The following SLX4IP variants were observed in gnomAD, a reference collection of about 807,000 sequenced individuals.
SLX4IP encodes protein SLX4IP.
SLX4IP carries 34 observed loss-of-function variants against 32.9 expected under a neutral mutation model. The ratio of observed to expected loss-of-function variants is 1.03; its 90% CI spans 0.79 to 1.38. The LOEUF is 1.38. Among genes scored for constraint, SLX4IP ranks in the 40% most tolerant of loss-of-function variants. The pLI, the probability that SLX4IP is intolerant of heterozygous loss-of-function variation, is 0.00. For synonymous variants in SLX4IP, 172 were observed against 171.7 expected (o/e 1.00, Z -0.01); for missense variants, 444 against 479.0 (o/e 0.93, Z 0.68).
At chr20:10,467,656 C>A (rs2065391559) in intron 2 of SLX4IP, among the ~76,000 whole-genome samples, 1 of 152,156 alleles carries the variant, frequency 6.6e-6, no homozygotes, top group Non-Finnish European at 1.5e-5. Context: ...TATTGCTTTG[C>A]TCATGCTGGA....
At chr20:10,464,101 TAA>T (rs1328594075) in intron 2 of SLX4IP, among the ~76,000 whole-genome samples, 2 of 152,154 alleles carry the variant, frequency 1.3e-5, no homozygotes, top group Non-Finnish European at 2.9e-5. Context: ...ATCAAAAAGC[TAA>T]GTTTCAGTGT....
intron 2 of SLX4IP, among the ~76,000 whole-genome samples, chr20:10,547,890 C>G (rs1227705271): frequency 3.9e-5 from 6 of 152,182 alleles, no homozygotes; most frequent in African/African-American, 1.2e-4. Flanking sequence ...AGCTCCTCCA[C>G]AAAGGCCACC....
intron 7 of SLX4IP, 87 bp from the exon 8 acceptor site, chr20:10,622,572 A>G (rs2067123739): frequency 6.0e-6 from 9 of 1,499,188 alleles, no homozygotes; most frequent in Non-Finnish European, 7.1e-6. Context: ...CTCCTTTTTC[A>G]GGTGTAGGAA....
chr20:10,519,242 T>A (rs624061), intron 2 of SLX4IP, among the ~76,000 whole-genome samples: 87,244 of 152,006 alleles, frequency 0.57, 25,658 homozygotes, highest in South Asian at 0.72. Context: ...TCCTCCATGT[T>A]AAGTATATAA....
At chr20:10,442,070 T>A (rs1203740407) in intron 1 of SLX4IP, among the ~76,000 whole-genome samples, 1 of 152,194 alleles carries the variant, frequency 6.6e-6, no homozygotes, top group Non-Finnish European at 1.5e-5. Context: ...TTTTTTAAGA[T>A]GATAGAAAGA....
chr20:10,590,851 A>G (rs1461167670), intron 4 of SLX4IP, among the ~76,000 whole-genome samples: 2 of 152,246 alleles, frequency 1.3e-5, no homozygotes, highest in East Asian at 3.8e-4. Context: ...CACACAAAAA[A>G]GAAATTCAAC....
intron 2 of SLX4IP, among the ~76,000 whole-genome samples, chr20:10,489,096 C>T (rs1338385090): frequency 6.6e-6 from 1 of 152,198 alleles, no homozygotes; most frequent in Non-Finnish European, 1.5e-5. Flanking sequence ...ACAAGCCACT[C>T]AGGTATTTGC....
intron 1 of SLX4IP, among the ~76,000 whole-genome samples, chr20:10,438,473 T>G (rs1051701189): frequency 9.6e-5 from 11 of 114,004 alleles, no homozygotes; most frequent in South Asian, 3.0e-4. Context: ...GGTGTGTGTG[T>G]TTTTTTTTTT....
intron 4 of SLX4IP, among the ~76,000 whole-genome samples, chr20:10,580,549 A>G (rs2066573017): frequency 7.1e-6 from 1 of 140,710 alleles, no homozygotes; most frequent in African/African-American, 2.7e-5. Context: ...CCTTTGTTGC[A>G]GTAGCATTTA....
In SLX4IP at chr20:10,510,613, T is replaced by A. The variant is rs868002694; in HGVS notation, c.28-45618T>A. On this transcript the variant is annotated intron_variant, in intron 2 of 7. Transcript: ENST00000334534. ...ATTATTATTATTATTTTTATTATTT[T>A]TTTTTTTTTTGAGATGCAGTCTCGC... 1.2e-3 allele frequency among the ~76,000 whole-genome samples: 176 copies of A among 148,388 alleles called. 1 individual carries two copies. The highest frequency in any genetic ancestry group is 7.0e-3 in the Middle Eastern group (2 of 284).
intron 2 of SLX4IP, among the ~76,000 whole-genome samples, chr20:10,511,085 C>G (rs1478874961): frequency 6.6e-6 from 1 of 152,184 alleles, no homozygotes; most frequent in African/African-American, 2.4e-5. Flanking sequence ...CTCCATTTAC[C>G]TTTTTGGCAA....
intron 4 of SLX4IP, among the ~76,000 whole-genome samples, chr20:10,568,301 G>A (rs1217210495): frequency 6.6e-6 from 1 of 152,192 alleles, no homozygotes; most frequent in Admixed American, 6.5e-5. Context: ...ATTCAGTAGT[G>A]TCACTGAAGC....
At chr20:10,536,935 T>C (rs1208514817) in intron 2 of SLX4IP, among the ~76,000 whole-genome samples, 1 of 152,238 alleles carries the variant, frequency 6.6e-6, no homozygotes, top group East Asian at 1.9e-4. Flanking sequence ...GCCTTTTCTC[T>C]GCCTGTGAAA....
In SLX4IP at chr20:10,627,553, G is replaced by A. The variant is rs2067187371; in HGVS notation, c.*4174G>A. On this transcript the variant is annotated 3_prime_UTR_variant, in exon 8 of 8. Coordinates refer to ENST00000334534, the MANE Select transcript of SLX4IP (RefSeq NM_001009608.3). ...CTTTCTATATTTATTTACAAGACAGGGAACAAATATGTGTCAATGTGCAGC... is the reference window on the plus strand; with the variant it reads ...CTTTCTATATTTATTTACAAGACAGAGAACAAATATGTGTCAATGTGCAGC... The A allele has an allele frequency of 1.3e-5, 2 of 152,104 alleles. No individual in the cohort carries two copies. The highest frequency in any genetic ancestry group is 2.4e-5 in the African/African-American group (1 of 41,414). The allele number at this position is 152,104 out of a possible 1,614,324, so 9.4% of individuals were successfully genotyped here.
chr20:10,454,490 AG>A (rs2065269417), intron 1 of SLX4IP, among the ~76,000 whole-genome samples: 1 of 152,204 alleles, frequency 6.6e-6, no homozygotes, highest in African/African-American at 2.4e-5. Context: ...TTTCCAGACT[AG>A]AGATCCTCTG....
In SLX4IP at chr20:10,598,889, C is replaced by T. The variant is rs2066807488; in HGVS notation, c.316+137C>T. ...TGTCTTGAGTGTGTCCGAAAGTTTG[C>T]GATTTCTTTCCTCCCACCTTGTACT... On this transcript the variant is annotated intron_variant, in intron 5 of 7. Coordinates refer to ENST00000334534, the MANE Select transcript of SLX4IP (RefSeq NM_001009608.3). 15 of 815,044 alleles carry T rather than the reference C, an allele frequency of 1.8e-5. No homozygotes were observed. In the South Asian group the frequency reaches 1.9e-4, roughly 10 times the overall value. The allele number at this position is 815,044 out of a possible 1,614,324, so 50.5% of individuals were successfully genotyped here.
intron 2 of SLX4IP, among the ~76,000 whole-genome samples, chr20:10,501,750 C>G (rs1010423904): frequency 2.0e-5 from 3 of 152,204 alleles, no homozygotes; most frequent in Non-Finnish European, 4.4e-5. Context: ...GGTGGTGAAA[C>G]AAGAATTGTT....
At chr20:10,583,393 T>C (rs2066607248) in intron 4 of SLX4IP, among the ~76,000 whole-genome samples, 1 of 152,220 alleles carries the variant, frequency 6.6e-6, no homozygotes, top group Non-Finnish European at 1.5e-5. Context: ...ACACATTCAT[T>C]GCACTCGGTT....
chr20:10,610,475 A>G (rs114414970), intron 6 of SLX4IP, among the ~76,000 whole-genome samples: 1 of 152,220 alleles, frequency 6.6e-6, no homozygotes, highest in Admixed American at 6.5e-5. Flanking sequence ...TGGGCCAGAC[A>G]CGTGTGGAAT....
Sources: gnomAD v4.1 joint callset for allele counts (sites outside exome capture counted in the v4.1 genomes callset) on GRCh38, gnomAD v4.1.1 for gene constraint, MANE v1.5 for transcripts, NCBI Gene and HGNC (gene_info 2026-07-23, HGNC 2026-07-21) for gene names.